Variants in RBFOX1 observed in about 807,000 individuals in gnomAD.
RBFOX1 encodes RNA binding protein fox-1 homolog 1.
In RBFOX1, 8 loss-of-function variants were observed where a neutral mutation model predicts 57.7. That is an observed-to-expected ratio of 0.14 (90% confidence interval 0.08 to 0.25). RBFOX1 has a LOEUF of 0.25. RBFOX1 is among the 10% of genes least tolerant of loss of function. The pLI is 1.00. For missense variants in RBFOX1, 611 were observed against 548.5 expected, an observed-to-expected ratio of 1.11 and a Z score of -1.14; for synonymous variants, 326 against 222.4, an observed-to-expected ratio of 1.47 and a Z score of -4.15.
intron 1 of RBFOX1, among the ~76,000 whole-genome samples, chr16:6,237,796 G>A (rs895596365): frequency 6.6e-6 from 1 of 151,750 alleles, no homozygotes; most frequent in Non-Finnish European, 1.5e-5. Flanking sequence ...ATTAAACAAA[G>A]AAATACCTGC....
At chr16:6,244,596 T>G (rs2097558857) in intron 1 of RBFOX1, among the ~76,000 whole-genome samples, 1 of 152,152 alleles carries the variant, frequency 6.6e-6, no homozygotes, top group South Asian at 2.1e-4. Context: ...GTTCGCCTCT[T>G]GGGTCCCAGT....
intron 3 of RBFOX1, among the ~76,000 whole-genome samples, chr16:6,687,388 T>C (rs1283872698): frequency 1.3e-5 from 2 of 152,230 alleles, no homozygotes; most frequent in African/African-American, 2.4e-5. Flanking sequence ...TTCACCACTA[T>C]ATAATTCACC....
In RBFOX1 at chr16:5,926,973, A is replaced by G. The variant is rs1445966529; in HGVS notation, c.351+59638A>G. On this transcript the variant is annotated intron_variant, in intron 4 of 19. Transcript: ENST00000641259. The stretch of plus-strand genomic sequence containing the variant: ...AATGCGTGCATTCACTATAATCCAC[A>G]GTCTTAGCCATCAAACCAGTGTCCC... Among the ~76,000 whole-genome samples, 4 of 152,194 alleles carry G rather than the reference A, an allele frequency of 2.6e-5. No individual in the cohort carries two copies. In the East Asian group the frequency reaches 5.8e-4, roughly 22 times the overall value.
At chr16:5,850,949 C>T (rs1380392795) in intron 3 of RBFOX1, among the ~76,000 whole-genome samples, 2 of 152,196 alleles carry the variant, frequency 1.3e-5, no homozygotes, top group South Asian at 2.1e-4. Context: ...TCGGGCATAT[C>T]CTGCTGCGTT....
At chr16:7,261,498 A>C (rs888144547) in intron 4 of RBFOX1, among the ~76,000 whole-genome samples, 1 of 152,108 alleles carries the variant, frequency 6.6e-6, no homozygotes, top group African/African-American at 2.4e-5. Context: ...TCCCTGCCAA[A>C]GGGAACACTT....
At chr16:5,283,301 G>A (rs2091531) in intron 1 of RBFOX1, among the ~76,000 whole-genome samples, 48,270 of 151,968 alleles carry the variant, frequency 0.32, 7,683 homozygotes, top group Non-Finnish European at 0.33. Flanking sequence ...ATGTGGGGTC[G>A]GAGCCCCCAC....
At chr16:7,706,507 A>T (rs986045875) in intron 14 of RBFOX1, among the ~76,000 whole-genome samples, 2 of 152,242 alleles carry the variant, frequency 1.3e-5, no homozygotes, top group African/African-American at 4.8e-5. Context: ...TATTAAATAC[A>T]TTCAAATTGC....
intron 3 of RBFOX1, among the ~76,000 whole-genome samples, chr16:5,783,980 G>C (rs11076965): frequency 2.6e-5 from 4 of 151,892 alleles, no homozygotes; most frequent in African/African-American, 4.8e-5. Flanking sequence ...TTCTTACCTT[G>C]CTGTAAAAAC....
intron 1 of RBFOX1, among the ~76,000 whole-genome samples, chr16:5,267,614 A>C (rs1048222362): frequency 2.0e-5 from 3 of 152,050 alleles, no homozygotes; most frequent in African/African-American, 7.2e-5. Context: ...ATAAGGTTTG[A>C]GTTGAGATAG....
intron 3 of RBFOX1, among the ~76,000 whole-genome samples, chr16:7,002,565 T>A (rs981728984): frequency 6.6e-6 from 1 of 151,858 alleles, no homozygotes; most frequent in African/African-American, 2.4e-5. Context: ...TACAAAAATT[T>A]GCTGGGCGTG....
At chr16:6,763,133 G>A (rs960678777) in intron 3 of RBFOX1, among the ~76,000 whole-genome samples, 5 of 152,186 alleles carry the variant, frequency 3.3e-5, no homozygotes, top group African/African-American at 1.2e-4. Flanking sequence ...TCTAAAATGA[G>A]TTTTTTCAGG....
chr16:5,355,247 C>A (rs1470894013), intron 1 of RBFOX1, among the ~76,000 whole-genome samples: 1 of 152,154 alleles, frequency 6.6e-6, no homozygotes, highest in African/African-American at 2.4e-5. Context: ...CAGGAAATGG[C>A]AGATGGCACA....
rs1481862181 is a variant in RBFOX1, at chr16:7,280,990, T to TC, written c.27+228894dup. Among the ~76,000 whole-genome samples, 34 of 62,994 alleles carry TC rather than the reference T, an allele frequency of 5.4e-4. No individual in the cohort carries two copies. The East Asian group carries it at 5.8e-3, about 11-fold the overall frequency. The allele number at this position is 62,994 out of a possible 152,430, so 41.3% of individuals were successfully genotyped here. On this transcript the variant is annotated intron_variant, in intron 4 of 15. Transcript: ENST00000550418. ...CTCCCTCCCTCCCTCCCTCCCTCCCTCCTTCCTTCCTTCCTTCCTTCCTTC... is the reference window on the plus strand; with the variant it reads ...CTCCCTCCCTCCCTCCCTCCCTCCCTCCCTTCCTTCCTTCCTTCCTTCCTTC...
intron 11 of RBFOX1, among the ~76,000 whole-genome samples, chr16:7,642,168 T>G (rs2062934526): frequency 6.6e-6 from 1 of 152,186 alleles, no homozygotes; most frequent in South Asian, 2.1e-4. Context: ...GTGACTGGAC[T>G]GGTGGACCAC....
intron 4 of RBFOX1, among the ~76,000 whole-genome samples, chr16:5,901,577 C>G (rs983957767): frequency 6.6e-6 from 1 of 152,134 alleles, no homozygotes; most frequent in African/African-American, 2.4e-5. Flanking sequence ...AGAAATTCAG[C>G]CCCTCAGCCA....
At chr16:7,306,502 C>A (rs1006943044) in intron 4 of RBFOX1, among the ~76,000 whole-genome samples, 1 of 152,082 alleles carries the variant, frequency 6.6e-6, no homozygotes, top group Non-Finnish European at 1.5e-5. Context: ...GCATCTCCCC[C>A]TCCCCTGAAA....
chr16:7,096,160 G>C (rs1316955916), intron 4 of RBFOX1, among the ~76,000 whole-genome samples: 3 of 152,284 alleles, frequency 2.0e-5, no homozygotes, highest in East Asian at 1.9e-4. Context: ...GAAGGAGACA[G>C]ATAAAACACA....
chr16:6,211,508 G>A (rs1020106316), intron 1 of RBFOX1, among the ~76,000 whole-genome samples: 5 of 152,102 alleles, frequency 3.3e-5, no homozygotes, highest in Middle Eastern at 3.2e-3. Context: ...GATTACAGGC[G>A]TGAGCCACCT....
In RBFOX1 at chr16:7,551,042, T is replaced by G. The variant is rs2086259505; in HGVS notation, c.271-28735T>G. On this transcript the variant is annotated intron_variant, in intron 5 of 15. Coordinates refer to ENST00000550418, the MANE Select transcript of RBFOX1 (RefSeq NM_018723.4). ...CCAGGAGGCGGAGGTTGCAGTGAGC[T>G]GAGATTGTGCCATCACACTCCAGCC... 2.2e-5 allele frequency among the ~76,000 whole-genome samples: 3 copies of G among 137,486 alleles called. No individual in the cohort carries two copies. The South Asian group carries it at 6.6e-4, about 30-fold the overall frequency. The allele number at this position is 137,486 out of a possible 152,430, so 90.2% of individuals were successfully genotyped here. A position where few individuals can be genotyped will look rare whatever the true frequency, so the allele number is the denominator to read the frequency against.
Sources: allele counts gnomAD v4.1 joint callset (sites outside exome capture counted in the v4.1 genomes callset), GRCh38; gene constraint gnomAD v4.1.1; transcripts MANE v1.5; gene names NCBI Gene and HGNC (gene_info 2026-07-23, HGNC 2026-07-21).